The following COL5A2 variants were observed in gnomAD, a reference collection of about 807,000 sequenced individuals.
COL5A2 encodes the protein collagen alpha-2(V) chain.
In COL5A2, 23 loss-of-function variants were observed where a neutral mutation model predicts 208.2. That is an observed-to-expected ratio of 0.11 (90% CI 0.08 to 0.16). The LOEUF (loss-of-function observed/expected upper bound fraction) is 0.16, where lower values mean the gene tolerates loss of function less well. Ranked by LOEUF, COL5A2 falls within the 10% of genes least tolerant of loss-of-function variation. The pLI is 1.00. For synonymous variants in COL5A2, 625 were observed against 628.5 expected, an observed-to-expected ratio of 0.99 and a Z score of 0.08; for missense variants, 1,590 against 1,956.4, an observed-to-expected ratio of 0.81 and a Z score of 3.53.
chr2:189,354,590 C>T, the COL5A2 span, among the ~76,000 whole-genome samples: 7 of 152,092 alleles, frequency 4.6e-5, no homozygotes, highest in East Asian at 1.9e-4. Context: ...TATTCTCTGA[C>T]GGTAGTTTGT....
Position 189,080,917 on chromosome 2 carries a change from T to C in COL5A2, c.906+73A>G. On this transcript the variant is annotated intron_variant, in intron 13 of 53. Coordinates refer to ENST00000374866, the MANE Select transcript of COL5A2 (RefSeq NM_000393.5). Reference sequence around the variant, plus strand: ...ATTGACAAATTGACTTGTAAAGATTTTGAAGGTAAATCTCCCCAGAGCCTG... The same window carrying C: ...ATTGACAAATTGACTTGTAAAGATTCTGAAGGTAAATCTCCCCAGAGCCTG... 3.2e-6 allele frequency: 4 copies of C among 1,235,706 alleles called. No homozygotes were observed. In the African/African-American group the frequency reaches 5.9e-5, roughly 18 times the overall value. The allele number at this position is 1,235,706 out of a possible 1,614,324, so 76.5% of individuals were successfully genotyped here.
rs149047265 is a variant in COL5A2, at chr2:189,075,064, A to G, written c.1104+329T>C. On this transcript the variant is annotated intron_variant, in intron 17 of 53. Transcript: ENST00000374866. ...TACCTTCCTAGAATTTTCTGAGCCC[A>G]CTGTGTTTTGTCATCTATCTATCCT... Among the ~76,000 whole-genome samples, 1,081 of 152,220 alleles carry G rather than the reference A, an allele frequency of 7.1e-3. 13 individuals are homozygous for G. Among genetic ancestry groups the G allele is most frequent in the African/African-American group, 0.024 (997 of 41,550 alleles).
chr2:189,058,767 C>A (rs753975029), intron 32 of COL5A2, 82 bp downstream of exon 32: 1 of 1,269,860 alleles, frequency 7.9e-7, no homozygotes, highest in Non-Finnish European at 1.1e-6. Flanking sequence ...TAAAATAAAT[C>A]CCAGTTTAAG....
At chr2:189,239,836 AG>A in the COL5A2 span, among the ~76,000 whole-genome samples, 119 of 152,232 alleles carry the variant, frequency 7.8e-4, no homozygotes, top group African/African-American at 2.8e-3. Flanking sequence ...GGAATGCGGG[AG>A]GACCTAGAAG....
At chr2:189,157,140 C>CGATATATCGATATATG (rs1688267658) in intron 1 of COL5A2, among the ~76,000 whole-genome samples, 1 of 46,254 alleles carries the variant, frequency 2.2e-5, no homozygotes, top group Non-Finnish European at 3.9e-5. Flanking sequence ...ATATATATAT[C>CGATATATCGATATATG]TATATATCTT....
chr2:189,367,981 C>T, the COL5A2 span, among the ~76,000 whole-genome samples: 40 of 152,260 alleles, frequency 2.6e-4, no homozygotes, highest in African/African-American at 9.4e-4. Flanking sequence ...CAAACATCTT[C>T]ATTTATAACA....
At chr2:189,276,679 T>A in the COL5A2 span, among the ~76,000 whole-genome samples, 1 of 152,176 alleles carries the variant, frequency 6.6e-6, no homozygotes, top group Non-Finnish European at 1.5e-5. Flanking sequence ...ATAAAAAATA[T>A]ATTTAAACAA....
chr2:189,049,237 T>G (rs2153507867), intron 44 of COL5A2, 110 bp downstream of exon 44: 1 of 796,568 alleles, frequency 1.3e-6, no homozygotes, highest in South Asian at 1.5e-5. Context: ...ACTAAGAAAC[T>G]TTCTTAAGGT....
At chr2:189,300,604 C>T in the COL5A2 span, among the ~76,000 whole-genome samples, 1 of 152,216 alleles carries the variant, frequency 6.6e-6, no homozygotes, top group Non-Finnish European at 1.5e-5. Flanking sequence ...GAGAAATAGA[C>T]ATGTCCTTGA....
At chr2:189,423,763 C>T in the COL5A2 span, among the ~76,000 whole-genome samples, 1 of 152,106 alleles carries the variant, frequency 6.6e-6, no homozygotes, top group Non-Finnish European at 1.5e-5. Context: ...CTGGTGGCTT[C>T]ATTGCTGAAT....
intron 30 of COL5A2, among the ~76,000 whole-genome samples, chr2:189,061,249 G>T (rs553750441): frequency 1.3e-5 from 2 of 152,114 alleles, no homozygotes; most frequent in East Asian, 3.9e-4. Context: ...AACAAAATCA[G>T]CCTTAAAATG....
chr2:189,438,367 A>C, the COL5A2 span, among the ~76,000 whole-genome samples: 1 of 152,234 alleles, frequency 6.6e-6, no homozygotes, highest in Non-Finnish European at 1.5e-5. Context: ...GCTGGTATTT[A>C]TCCTAGAAAA....
At chr2:189,392,822 A>C in the COL5A2 span, among the ~76,000 whole-genome samples, 1 of 152,182 alleles carries the variant, frequency 6.6e-6, no homozygotes, top group Non-Finnish European at 1.5e-5. Context: ...CTTGTTAAGG[A>C]TTTAGTCTAG....
At position 189,033,807 on chromosome 2, in the gene COL5A2, A is replaced by C; in HGVS notation, c.*263T>G. ...TTTATTCAATCAGTTTACTTTCTGCAAAGGTGGTCATTGTCATTGGTCATC... is the reference window on the plus strand; with the variant it reads ...TTTATTCAATCAGTTTACTTTCTGCCAAGGTGGTCATTGTCATTGGTCATC... On this transcript the variant is annotated 3_prime_UTR_variant, in exon 54 of 54. Coordinates refer to ENST00000374866, the MANE Select transcript of COL5A2 (RefSeq NM_000393.5). 2.0e-6 allele frequency: 1 copy of C among 511,260 alleles called. No individual in the cohort carries two copies. Among genetic ancestry groups the C allele is most frequent in the South Asian group, 2.3e-5 (1 of 43,186 alleles). The allele number at this position is 511,260 out of a possible 1,614,324, so 31.7% of individuals were successfully genotyped here.
At chr2:189,149,017 G>A (rs1688094146) in intron 1 of COL5A2, among the ~76,000 whole-genome samples, 1 of 152,152 alleles carries the variant, frequency 6.6e-6, no homozygotes, top group East Asian at 1.9e-4. Context: ...GGCATGCACT[G>A]TAATCCCACC....
At chr2:189,320,926 G>T in the COL5A2 span, among the ~76,000 whole-genome samples, 1 of 152,188 alleles carries the variant, frequency 6.6e-6, no homozygotes, top group Non-Finnish European at 1.5e-5. Flanking sequence ...GAAAGGTCGG[G>T]TTACCCACAC....
At chr2:189,050,441 A>T (rs1227292116) in intron 43 of COL5A2, 128 bp downstream of exon 43, 2 of 756,296 alleles carry the variant, frequency 2.6e-6, no homozygotes, top group African/African-American at 3.5e-5. Context: ...GATTTTTAAG[A>T]GACTCAAAAA....
chr2:189,056,940 T>G (rs192360671), intron 35 of COL5A2, 33 bp downstream of exon 35: 1 of 1,609,284 alleles, frequency 6.2e-7, no homozygotes, highest in Non-Finnish European at 8.5e-7. Context: ...TGTTGGTTCC[T>G]AGCCCAGCTA....
chr2:189,249,428 A>C, the COL5A2 span, among the ~76,000 whole-genome samples: 1 of 152,172 alleles, frequency 6.6e-6, no homozygotes, highest in Non-Finnish European at 1.5e-5. Context: ...TCCTATGGTA[A>C]TTCAGGATTC....
Sources: allele counts gnomAD v4.1 joint callset (sites outside exome capture counted in the v4.1 genomes callset), GRCh38; gene constraint gnomAD v4.1.1; transcripts MANE v1.5; gene names NCBI Gene and HGNC (gene_info 2026-07-23, HGNC 2026-07-21).